The following ABCB1 variants were observed in gnomAD, a reference collection of about 807,000 sequenced individuals.
ABCB1 encodes the protein ATP-dependent translocase ABCB1.
In ABCB1, 69 loss-of-function variants were observed where a neutral mutation model predicts 142.0. The ratio of observed to expected loss-of-function variants is 0.49; its 90% CI spans 0.40 to 0.59. The LOEUF is 0.59. Among genes scored for constraint, ABCB1 ranks in the 20% least tolerant of loss-of-function variants. The probability of loss-of-function intolerance (pLI) is 0.00; values close to 1 mark genes in which losing one functional copy is unlikely to be tolerated. For synonymous variants in ABCB1, 532 were observed against 539.2 expected, an observed-to-expected ratio of 0.99 and a Z score of 0.18; for missense variants, 1,326 against 1,554.7, an observed-to-expected ratio of 0.85 and a Z score of 2.47.
intron 1 of ABCB1, among the ~76,000 whole-genome samples, chr7:87,694,734 T>G (rs996851725): frequency 6.6e-6 from 1 of 152,150 alleles, no homozygotes; most frequent in African/African-American, 2.4e-5. Context: ...ACTTTAAGCC[T>G]TATGTTAATA....
intron 1 of ABCB1, among the ~76,000 whole-genome samples, chr7:87,636,721 A>T (rs544100992): frequency 9.2e-5 from 14 of 152,270 alleles, no homozygotes; most frequent in African/African-American, 3.4e-4. Context: ...TTTATTTATG[A>T]TGTGAAGTAC....
intron 25 of ABCB1, among the ~76,000 whole-genome samples, chr7:87,514,662 A>G (rs1006319154): frequency 2.0e-5 from 3 of 151,982 alleles, no homozygotes; most frequent in African/African-American, 7.3e-5. Flanking sequence ...TTTACTTTCC[A>G]TCTTCTTGAT....
At chr7:87,656,357 C>A (rs965456827) in intron 1 of ABCB1, among the ~76,000 whole-genome samples, 2 of 151,734 alleles carry the variant, frequency 1.3e-5, no homozygotes, top group Admixed American at 6.6e-5. Context: ...CTAGACAATA[C>A]GGTATGCATT....
chr7:87,639,597 G>T (rs933861108), intron 1 of ABCB1, among the ~76,000 whole-genome samples: 18 of 151,986 alleles, frequency 1.2e-4, no homozygotes, highest in African/African-American at 4.3e-4. Flanking sequence ...TTAGAATTGT[G>T]GTCTCTTCCT....
In ABCB1 at chr7:87,544,927, A is replaced by G. The variant is rs1402478835; in HGVS notation, c.1960T>C (p.Ser654Pro). The change falls in exon 16 of 28, where the codon TCT (serine) becomes CCT (proline). Residue 654 changes from serine to proline, a missense_variant. By Grantham distance (74) the Ser-to-Pro change is moderately conservative. Coordinates refer to ENST00000622132, the MANE Select transcript of ABCB1 (RefSeq NM_001348946.2). ...SKSEIDALEM[S>P]SNDSRSSLIR... ...AGACTGGATCTTGAATCATTTGAAGACATTTCCAAGGCATCAATTTCACTT... is the reference window on the plus strand; with the variant it reads ...AGACTGGATCTTGAATCATTTGAAGGCATTTCCAAGGCATCAATTTCACTT... The G allele has an allele frequency of 1.2e-6, 2 of 1,614,104 alleles. No homozygotes were observed. Among genetic ancestry groups the G allele is most frequent in the Non-Finnish European group, 1.7e-6 (2 of 1,179,984 alleles).
In ABCB1 at chr7:87,585,621, G is replaced by A. The variant is rs779730790; in HGVS notation, c.177C>T (p.Ile59=). 1 of 1,614,036 alleles carries A rather than the reference G, an allele frequency of 6.2e-7. No homozygotes were observed. Among genetic ancestry groups the A allele is most frequent in the Admixed American group, 1.7e-5 (1 of 60,016 alleles). The change falls in exon 4 of 28, where the codon ATC becomes ATT. Residue 59 remains isoleucine, a synonymous_variant. Transcript: ENST00000622132. The part of the protein sequence containing the change: ...LYMVVGTLAA[I]IHGAGLPLMM... ...TGAGAGGAAGTCCAGCCCCATGGAT[G>A]ATGGCAGCCAAAGTTCCCACCACCA...
chr7:87,505,366 T>G (rs1814686932), intron 27 of ABCB1, among the ~76,000 whole-genome samples: 1 of 152,192 alleles, frequency 6.6e-6, no homozygotes, highest in Non-Finnish European at 1.5e-5. Flanking sequence ...TCAAGGATGT[T>G]ACAACATCCT....
chr7:87,600,244 A>T, intron 1 of ABCB1, 54 bp from the exon 2 acceptor site: 1 of 1,459,070 alleles, frequency 6.9e-7, no homozygotes, highest in Non-Finnish European at 9.6e-7. Context: ...GGCGCGCTGG[A>T]GGTGAGACTA....
At chr7:87,617,083 T>C (rs552935707) in intron 1 of ABCB1, among the ~76,000 whole-genome samples, 2 of 152,322 alleles carry the variant, frequency 1.3e-5, no homozygotes, top group East Asian at 3.9e-4. Flanking sequence ...GAGTTCTTCC[T>C]GAGCCTGCAA....
At chr7:87,563,527 T>A (rs1817660323) in intron 7 of ABCB1, 1 of 272,014 alleles carries the variant, frequency 3.7e-6, no homozygotes, top group African/African-American at 2.3e-5. Context: ...AATCAATAAA[T>A]GTGATTCATC....
intron 3 of ABCB1, among the ~76,000 whole-genome samples, chr7:87,589,862 G>GAGAGAC (rs1818925466): frequency 6.6e-6 from 1 of 151,546 alleles, no homozygotes; most frequent in Admixed American, 6.6e-5. Flanking sequence ...GAGAGAGAGA[G>GAGAGAC]AGAGAGAGAA....
chr7:87,567,120 T>G (rs1468848690), intron 5 of ABCB1, 144 bp from the exon 6 acceptor site: 3 of 764,736 alleles, frequency 3.9e-6, no homozygotes, highest in East Asian at 2.7e-5. Flanking sequence ...ACAAGCAGAG[T>G]TGATAGTCAC....
chr7:87,578,527 A>C (rs1223334414), intron 4 of ABCB1, among the ~76,000 whole-genome samples: 1 of 152,120 alleles, frequency 6.6e-6, no homozygotes. Flanking sequence ...AAAAATATCC[A>C]TTCTTCCAAT....
chr7:87,634,166 A>G (rs547229916), intron 1 of ABCB1, among the ~76,000 whole-genome samples: 2 of 152,266 alleles, frequency 1.3e-5, no homozygotes, highest in African/African-American at 4.8e-5. Flanking sequence ...AGTGGGTGAT[A>G]AGTACCAAGC....
intron 27 of ABCB1, 23 bp downstream of exon 27, chr7:87,505,874 A>G: frequency 6.2e-7 from 1 of 1,614,000 alleles, no homozygotes; most frequent in East Asian, 2.2e-5. Context: ...TCAAGTATGG[A>G]TGAACCCAAT....
intron 15 of ABCB1, 25 bp from the exon 16 acceptor site, chr7:87,545,024 A>C (rs1422175844): frequency 6.2e-7 from 1 of 1,605,806 alleles, no homozygotes; most frequent in African/African-American, 1.3e-5. Flanking sequence ...AAATATGCAA[A>C]AGCTCATTAG....
chr7:87,618,299 A>G (rs992540627), intron 1 of ABCB1, among the ~76,000 whole-genome samples: 1 of 152,154 alleles, frequency 6.6e-6, no homozygotes, highest in Non-Finnish European at 1.5e-5. Context: ...CTTAAGCTCT[A>G]TGAGAGCAGG....
intron 1 of ABCB1, among the ~76,000 whole-genome samples, chr7:87,626,193 T>TATATATTGTCATATATATGTGTC: frequency 9.2e-6 from 1 of 108,306 alleles, no homozygotes; most frequent in Non-Finnish European, 1.8e-5. Context: ...ATATGTGTCA[T>TATATATTGTCATATATATGTGTC]ATATATGTCA....
At chr7:87,531,771 G>T in intron 20 of ABCB1, 1 of 403,926 alleles carries the variant, frequency 2.5e-6, no homozygotes, top group Non-Finnish European at 4.5e-6. Flanking sequence ...CATTAATCAC[G>T]GCAACATTAC....
Sources: allele counts gnomAD v4.1 joint callset (sites outside exome capture counted in the v4.1 genomes callset), GRCh38; gene constraint gnomAD v4.1.1; transcripts MANE v1.5; gene names NCBI Gene and HGNC (gene_info 2026-07-23, HGNC 2026-07-21).